Variants in PRPF40B observed in about 807,000 individuals in gnomAD.
The protein encoded by PRPF40B is pre-mRNA-processing factor 40 homolog B.
In PRPF40B, 56 loss-of-function variants were observed where a neutral mutation model predicts 124.5. That is an observed-to-expected ratio of 0.45 (90% CI 0.36 to 0.56). The LOEUF is 0.56. PRPF40B is among the 20% of genes least tolerant of loss of function. The probability of loss-of-function intolerance (pLI) is 0.00; values close to 1 mark genes in which losing one functional copy is unlikely to be tolerated. For missense variants in PRPF40B, 1,053 were observed against 1,169.5 expected (o/e 0.90, Z 1.45); for synonymous variants, 443 against 426.4 (o/e 1.04, Z -0.48).
intron 10 of PRPF40B, 65 bp from the exon 11 acceptor site, chr12:49,634,267 A>T (rs1317963369): frequency 6.8e-6 from 11 of 1,610,636 alleles, no homozygotes; most frequent in Non-Finnish European, 8.5e-6. Flanking sequence ...TGTTGCCAGG[A>T]GTTCAGGGCA....
intron 4 of PRPF40B, 138 bp downstream of exon 4, chr12:49,632,063 C>CA: frequency 2.4e-6 from 2 of 833,396 alleles, no homozygotes; most frequent in East Asian, 2.5e-5. Flanking sequence ...TCCCCACACT[C>CA]AAATCCTTCT....
rs1943054008 is a variant in PRPF40B, at chr12:49,644,282, G to C, written c.*90G>C. ...CTGCCTCAGACTTCTTCCTTAGTCT[G>C]GTCTGTGTCCACTTTTTCTAAAGTA... On this transcript the variant is annotated 3_prime_UTR_variant, in exon 26 of 26. Coordinates refer to ENST00000548825, the MANE Select transcript of PRPF40B (RefSeq NM_001031698.3). 1 of 1,436,724 alleles carries C rather than the reference G, an allele frequency of 7.0e-7. No homozygotes were observed. The highest frequency in any genetic ancestry group is 1.4e-5 in the African/African-American group (1 of 71,048). The allele number at this position is 1,436,724 out of a possible 1,614,324, so 89.0% of individuals were successfully genotyped here.
intron 1 of PRPF40B, among the ~76,000 whole-genome samples, chr12:49,626,405 G>C (rs1269082335): frequency 6.6e-6 from 1 of 152,216 alleles, no homozygotes; most frequent in East Asian, 1.9e-4. Context: ...AACATTCACA[G>C]AGTAGCATGT....
Position 49,633,588 on chromosome 12 carries a change from G to C in PRPF40B, c.580+41G>C, listed in dbSNP as rs774623847. On this transcript the variant is annotated intron_variant, in intron 8 of 25. Coordinates refer to ENST00000548825, the MANE Select transcript of PRPF40B (RefSeq NM_001031698.3). ...GGTGGGCCAGGTCAGGAGCTCTGGG[G>C]GCTCCCTATTGCCCCTGTGACTGAC... is the stretch of plus-strand genomic sequence containing the variant. 6 of 1,614,132 alleles carry C rather than the reference G, an allele frequency of 3.7e-6. No individual in the cohort carries two copies. In the African/African-American group the frequency reaches 8.0e-5, roughly 22 times the overall value.
chr12:49,623,640 C>T, intron 1 of PRPF40B, 47 bp downstream of exon 1: 1 of 1,229,624 alleles, frequency 8.1e-7, no homozygotes, highest in Non-Finnish European at 1.0e-6. Context: ...GGTCCCACAG[C>T]GCCCCCTGCG....
In PRPF40B at chr12:49,631,448, C is replaced by T; in HGVS notation, c.132C>T (p.Pro44=). The T allele has an allele frequency of 6.9e-7, 1 of 1,456,524 alleles. No homozygotes were observed. Among genetic ancestry groups the T allele is most frequent in the Non-Finnish European group, 9.2e-7 (1 of 1,089,700 alleles). 90.2% of individuals were successfully genotyped at this position (1,456,524 alleles called of 1,614,324 possible). Residue 44 remains proline, a synonymous_variant, in exon 3 of 26, where the codon CCC becomes CCT. Coordinates refer to ENST00000548825, the MANE Select transcript of PRPF40B (RefSeq NM_001031698.3). This position sits in a 1 kb window ranked among gnomAD's most constrained non-coding sequence, Gnocchi z 4.3. ...IPPPFPPMGL[P]PMSQRPPAIP... Reference sequence around the variant, plus strand: ...CACCCTTTCCTCCGATGGGGCTACCCCCCATGAGTCAGAGACCACCAGCTA... The same window carrying T: ...CACCCTTTCCTCCGATGGGGCTACCTCCCATGAGTCAGAGACCACCAGCTA...
chr12:49,637,106 G>A (rs970026171), intron 16 of PRPF40B: 9 of 596,776 alleles, frequency 1.5e-5, no homozygotes, highest in Non-Finnish European at 2.6e-5. Context: ...GCATGACTTG[G>A]CAGCTAGGCC....
rs745708210 is a variant in PRPF40B at position 49,641,894 on chromosome 12, T to G, written c.1768-14T>G. ...CACGTGGTGCCCCTGCTTCATGCAC[T>G]GCTGTACCCACAGGACCGGGGCTTC... is the stretch of plus-strand genomic sequence containing the variant. On this transcript the variant is annotated splice_polypyrimidine_tract_variant and intron_variant, in intron 18 of 25. Transcript: ENST00000548825. 88 of 1,611,276 alleles carry G rather than the reference T, an allele frequency of 5.5e-5. 1 individual carries two copies. In the South Asian group the frequency reaches 9.3e-4, roughly 17 times the overall value.
At chr12:49,634,207 C>A in intron 10 of PRPF40B, 115 bp downstream of exon 10, 1 of 1,581,006 alleles carries the variant, frequency 6.3e-7, no homozygotes, top group Non-Finnish European at 8.6e-7. Context: ...CTGGGTGTGA[C>A]CTCTGAAGGG....
upstream of PRPF40B, chr12:49,623,546 A>AAAG: frequency 8.0e-7 from 1 of 1,243,236 alleles, no homozygotes; most frequent in African/African-American, 1.6e-5. Flanking sequence ...AGCGGCTCTT[A>AAAG]CTGGCGGGTG....
rs928061381 is a variant in PRPF40B, at chr12:49,625,229, C to T, written c.3+1636C>T. Among the ~76,000 whole-genome samples the T allele has an allele frequency of 5.3e-4, 80 of 152,286 alleles. 1 individual carries two copies. Among genetic ancestry groups the T allele is most frequent in the Admixed American group, 4.6e-3 (70 of 15,302 alleles). ...TGAATGTAAGCAGTATCATCTGTGG[C>T]GCCATCATCCTTGCTGGGAGGCAGC... is the stretch of plus-strand genomic sequence containing the variant. On this transcript the variant is annotated intron_variant, in intron 1 of 25. Coordinates refer to ENST00000548825, the MANE Select transcript of PRPF40B (RefSeq NM_001031698.3).
chr12:49,643,513 G>A, intron 23 of PRPF40B, 116 bp downstream of exon 23: 2 of 1,427,062 alleles, frequency 1.4e-6, no homozygotes, highest in Non-Finnish European at 1.9e-6. Flanking sequence ...CTGCACCTGT[G>A]GAAGTAGAAA....
chr12:49,634,818 T>C (rs1941596994), intron 12 of PRPF40B: 1 of 647,886 alleles, frequency 1.5e-6, no homozygotes, highest in Admixed American at 2.9e-5. Context: ...CTTCCTGAAT[T>C]GAATCAAACG....
At position 49,643,004 on chromosome 12, in the gene PRPF40B, C is replaced by G; in HGVS notation, c.2193C>G (p.Ser731=). Residue 731 remains serine, a synonymous_variant, in exon 22 of 26, where the codon TCC becomes TCG. Coordinates refer to ENST00000548825, the MANE Select transcript of PRPF40B (RefSeq NM_001031698.3). ...RKGKKHHHKR[S]HSPSGSESEE... ...GCAAGAAGCACCATCACAAGCGTTC[C>G]CACTCACCCTCAGTGAGTAAGCGTG... 6.2e-7 allele frequency: 1 copy of G among 1,613,696 alleles called. No homozygotes were observed. Among genetic ancestry groups the G allele is most frequent in the Non-Finnish European group, 8.5e-7 (1 of 1,179,784 alleles).
rs1458381216 is a variant in PRPF40B, at chr12:49,642,155, C to T, written c.1885-80C>T. ...TGGTAGAAGCCCAGACCCTAACTTT[C>T]CACCTCCTAAGGTATGCCTGAGTGG... On this transcript the variant is annotated intron_variant, in intron 19 of 25. Transcript: ENST00000548825. The surrounding 1 kb of genome is among the most constrained non-coding windows in gnomAD (Gnocchi z 5.8). The T allele has an allele frequency of 1.2e-6, 2 of 1,608,928 alleles. No homozygotes were observed. Among genetic ancestry groups the T allele is most frequent in the African/African-American group, 2.7e-5 (2 of 74,846 alleles).
chr12:49,637,923 G>T, intron 18 of PRPF40B, 99 bp downstream of exon 18: 2 of 944,184 alleles, frequency 2.1e-6, no homozygotes, highest in South Asian at 3.0e-5. Context: ...AAGCATTACA[G>T]CTTGGTTCAG....
chr12:49,638,592 A>G (rs1264383649), intron 18 of PRPF40B: 3 of 152,204 alleles, frequency 2.0e-5, no homozygotes, highest in African/African-American at 7.2e-5. Flanking sequence ...GATGGACTAA[A>G]CCTTGTGTTC....
In PRPF40B at chr12:49,624,123, G is replaced by T. The variant is rs1286375244; in HGVS notation, c.3+530G>T. On this transcript the variant is annotated intron_variant, in intron 1 of 25. Coordinates refer to ENST00000548825, the MANE Select transcript of PRPF40B (RefSeq NM_001031698.3). ...GGAGAGGGGGCCTCTGAAGAAAGGG[G>T]CTCCCAGCCCAGGCCATCAACAAAC... 14 of 985,860 alleles carry T rather than the reference G, an allele frequency of 1.4e-5. 1 individual carries two copies. The South Asian group carries it at 6.1e-4, about 43-fold the overall frequency. 61.1% of individuals were successfully genotyped at this position (985,860 alleles called of 1,614,324 possible).
In PRPF40B at chr12:49,642,887, A is replaced by G; in HGVS notation, c.2119-43A>G. The G allele has an allele frequency of 6.3e-7, 1 of 1,579,614 alleles. No homozygotes were observed. Among genetic ancestry groups the G allele is most frequent in the Non-Finnish European group, 8.6e-7 (1 of 1,158,538 alleles). Reference sequence around the variant, plus strand: ...AGGAAGTAGGATCCTTCCTGGGGCTAAGTCTGGTGCTGTCCTCACCCTTCT... The same window carrying G: ...AGGAAGTAGGATCCTTCCTGGGGCTGAGTCTGGTGCTGTCCTCACCCTTCT... On this transcript the variant is annotated intron_variant, in intron 21 of 25. Coordinates refer to ENST00000548825, the MANE Select transcript of PRPF40B (RefSeq NM_001031698.3). The surrounding 1 kb of genome is among the most constrained non-coding windows in gnomAD (Gnocchi z 5.8).
Sources: allele counts gnomAD v4.1 joint callset (sites outside exome capture counted in the v4.1 genomes callset), GRCh38; gene constraint gnomAD v4.1.1; non-coding constraint Gnocchi (gnomAD v3.1); transcripts MANE v1.5; gene names NCBI Gene and HGNC (gene_info 2026-07-23, HGNC 2026-07-21).